The following DYNC2I1 variants were observed in gnomAD, a reference collection of about 807,000 sequenced individuals.
The protein encoded by DYNC2I1 is cytoplasmic dynein 2 intermediate chain 1.
A neutral mutation model predicts 133.4 loss-of-function variants in DYNC2I1; 89 were observed. The observed-to-expected ratio is 0.67, with a 90% CI of 0.56 to 0.80. The LOEUF (loss-of-function observed/expected upper bound fraction) is 0.80, where lower values mean the gene tolerates loss of function less well. Ranked by LOEUF, DYNC2I1 falls within the 30% of genes least tolerant of loss-of-function variation. The pLI is 0.00. For missense variants in DYNC2I1, 1,291 were observed against 1,314.5 expected (o/e 0.98, Z 0.28); for synonymous variants, 504 against 484.3 (o/e 1.04, Z -0.54).
intron 1 of DYNC2I1, chr7:158,869,508 GT>G (rs1046558297): frequency 2.1e-6 from 1 of 478,502 alleles, no homozygotes; most frequent in Non-Finnish European, 4.3e-6. Context: ...TGTTGTGGCT[GT>G]TTTTGGAAAA....
intron 17 of DYNC2I1, 96 bp downstream of exon 17, chr7:158,923,829 A>G (rs1849344785): frequency 1.3e-6 from 2 of 1,492,468 alleles, no homozygotes; most frequent in East Asian, 2.3e-5. Flanking sequence ...ATTTATTCAC[A>G]TTATCCCAGA....
At chr7:158,909,846 C>G (rs1847214588) in intron 11 of DYNC2I1, among the ~76,000 whole-genome samples, 2 of 152,150 alleles carry the variant, frequency 1.3e-5, no homozygotes, top group Non-Finnish European at 2.9e-5. Flanking sequence ...AAGTTGAGAG[C>G]CTTCCGGTGG....
chr7:158,941,432 G>C (rs1413481268), intron 23 of DYNC2I1, among the ~76,000 whole-genome samples: 1 of 152,214 alleles, frequency 6.6e-6, no homozygotes, highest in Non-Finnish European at 1.5e-5. Context: ...AAGTGTATCA[G>C]AGTCAGGTGA....
At chr7:158,888,057 C>T (rs534789108) in intron 7 of DYNC2I1, among the ~76,000 whole-genome samples, 129 of 130,832 alleles carry the variant, frequency 9.9e-4, no homozygotes, top group Non-Finnish European at 1.7e-3. Context: ...ACAGGTCTCA[C>T]TCTGTTGCCC....
chr7:158,958,252 A>G (rs911280956), downstream of DYNC2I1, among the ~76,000 whole-genome samples: 46 of 152,090 alleles, frequency 3.0e-4, no homozygotes, highest in Non-Finnish European at 5.7e-4. Flanking sequence ...AGAAATGTCA[A>G]AGCAGCAAAG....
At chr7:158,936,398 GGGA>G (rs1294202299) in intron 23 of DYNC2I1, among the ~76,000 whole-genome samples, 1 of 152,052 alleles carries the variant, frequency 6.6e-6, no homozygotes, top group Non-Finnish European at 1.5e-5. Flanking sequence ...CCAAGCAGAT[GGGA>G]GGAGAACTGG....
At chr7:158,851,621 C>A (rs950248837), upstream of DYNC2I1, among the ~76,000 whole-genome samples, 23 of 152,180 alleles carry the variant, frequency 1.5e-4, no homozygotes, top group African/African-American at 5.5e-4. Flanking sequence ...TTATGCAAAT[C>A]ATCAGGCCAA....
At chr7:158,935,711 G>A (rs1850684469) in intron 23 of DYNC2I1, among the ~76,000 whole-genome samples, 1 of 152,204 alleles carries the variant, frequency 6.6e-6, no homozygotes, top group South Asian at 2.1e-4. Context: ...AGGCTGGGAT[G>A]TGCTGGAGGT....
intron 5 of DYNC2I1, among the ~76,000 whole-genome samples, chr7:158,883,203 A>T (rs1285813640): frequency 3.4e-5 from 5 of 147,800 alleles, no homozygotes; most frequent in Non-Finnish European, 6.0e-5. Context: ...TCTCTATATG[A>T]TATTTTTTCT....
chr7:158,865,964 TA>T (rs1056497514), intron 1 of DYNC2I1, among the ~76,000 whole-genome samples: 5 of 152,128 alleles, frequency 3.3e-5, no homozygotes, highest in Non-Finnish European at 7.3e-5. Context: ...CGCTCCAAAG[TA>T]GTCAGTATTC....
intron 12 of DYNC2I1, 48 bp downstream of exon 12, chr7:158,911,727 A>C: frequency 6.4e-7 from 1 of 1,563,400 alleles, no homozygotes; most frequent in Non-Finnish European, 8.7e-7. Flanking sequence ...AGTAAAGTCT[A>C]GTAGGATAAC....
chr7:158,928,221 C>T (rs549913427), intron 20 of DYNC2I1, among the ~76,000 whole-genome samples: 20 of 152,288 alleles, frequency 1.3e-4, no homozygotes, highest in South Asian at 8.3e-4. Context: ...TCAGAAGTGA[C>T]GGAGTAATTC....
At chr7:158,914,118 T>C in intron 13 of DYNC2I1, 115 bp from the exon 14 acceptor site, 1 of 783,278 alleles carries the variant, frequency 1.3e-6, no homozygotes, top group Non-Finnish European at 2.0e-6. Flanking sequence ...TTTCTGTCTT[T>C]TCCTTCTGGG....
At chr7:158,932,583 AT>A (rs1418744093) in intron 21 of DYNC2I1, among the ~76,000 whole-genome samples, 1 of 152,152 alleles carries the variant, frequency 6.6e-6, no homozygotes, top group African/African-American at 2.4e-5. Flanking sequence ...GGGTGTGGAC[AT>A]TAGCATAAAG....
upstream of DYNC2I1, among the ~76,000 whole-genome samples, chr7:158,853,655 G>GTT (rs34498148): frequency 5.7e-5 from 8 of 140,080 alleles, no homozygotes; most frequent in East Asian, 2.1e-4. Context: ...GAGACCAGAG[G>GTT]TTTTTTTTTT....
chr7:158,912,481 G>A (rs1456396782), intron 12 of DYNC2I1, among the ~76,000 whole-genome samples: 1 of 152,098 alleles, frequency 6.6e-6, no homozygotes, highest in African/African-American at 2.4e-5. Flanking sequence ...AAGAGACAGG[G>A]TCTTGCTCTG....
chr7:158,871,672 C>T (rs1842898305), intron 3 of DYNC2I1, 110 bp downstream of exon 3: 1 of 1,259,602 alleles, frequency 7.9e-7, no homozygotes, highest in Non-Finnish European at 1.1e-6. Flanking sequence ...TTCCCTCCTT[C>T]CCCTTTCCTT....
At chr7:158,875,243 C>T (rs1013177891) in intron 3 of DYNC2I1, among the ~76,000 whole-genome samples, 8 of 152,004 alleles carry the variant, frequency 5.3e-5, no homozygotes, top group East Asian at 1.9e-4. Flanking sequence ...TACAGGCGCA[C>T]GCCACGACGC....
intron 11 of DYNC2I1, among the ~76,000 whole-genome samples, chr7:158,909,514 C>G (rs943208844): frequency 5.3e-5 from 8 of 151,962 alleles, no homozygotes; most frequent in African/African-American, 1.9e-4. Flanking sequence ...TCCAGTGATA[C>G]GAGAAAAGCA....
Sources: allele counts gnomAD v4.1 joint callset (sites outside exome capture counted in the v4.1 genomes callset), GRCh38; gene constraint gnomAD v4.1.1; transcripts MANE v1.5; gene names NCBI Gene and HGNC (gene_info 2026-07-23, HGNC 2026-07-21).